The following DNAH9 variants were observed in gnomAD, a reference collection of about 807,000 sequenced individuals.
DNAH9 encodes the protein DNAH9 variant protein.
In DNAH9, 345 loss-of-function variants were observed where a neutral mutation model predicts 471.6. The observed-to-expected ratio is 0.73, with a 90% CI of 0.67 to 0.80. The LOEUF (loss-of-function observed/expected upper bound fraction) is 0.80. Among genes scored for constraint, DNAH9 ranks in the 30% least tolerant of loss-of-function variants. DNAH9 has a pLI of 0.00. For missense variants in DNAH9, 5,407 were observed against 5,609.2 expected (o/e 0.96, Z 1.15); for synonymous variants, 2,093 against 2,123.6 (o/e 0.99, Z 0.40).
In DNAH9 at chr17:11,707,959, CCACACACACACACACACACACACACA is replaced by C. The variant is rs756020074; in HGVS notation, c.5552+2805_5552+2830del. On this transcript the variant is annotated intron_variant, in intron 26 of 68. Coordinates refer to ENST00000262442, the MANE Select transcript of DNAH9 (RefSeq NM_001372.4). ...TGTTTCTAAAAGGCAGCCTCTCCCA[CCACACACACACACACACACACACACA>C]CACACACACACACACACACACACAC... is the stretch of plus-strand genomic sequence containing the variant. 4.5e-3 allele frequency among the ~76,000 whole-genome samples: 481 copies of C among 106,552 alleles called. 1 individual carries two copies. Among genetic ancestry groups the C allele is most frequent in the Middle Eastern group, 9.8e-3 (2 of 204 alleles). The allele number at this position is 106,552 out of a possible 152,430, so 69.9% of individuals were successfully genotyped here.
At chr17:11,898,685 A>C (rs1973301469) in intron 59 of DNAH9, among the ~76,000 whole-genome samples, 1 of 152,182 alleles carries the variant, frequency 6.6e-6, no homozygotes, top group Admixed American at 6.5e-5. Flanking sequence ...AGAAGGAAAA[A>C]CTTTCAGGAA....
At chr17:11,880,575 G>C (rs111692997) in intron 54 of DNAH9, among the ~76,000 whole-genome samples, 7 of 152,284 alleles carry the variant, frequency 4.6e-5, no homozygotes, top group Non-Finnish European at 8.8e-5. Context: ...TCAATTTAAT[G>C]AGTCTCTGCT....
chr17:11,832,497 A>T (rs938802020), intron 48 of DNAH9, among the ~76,000 whole-genome samples: 6 of 152,258 alleles, frequency 3.9e-5, no homozygotes, highest in Admixed American at 6.5e-5. Flanking sequence ...GCAGCTGAAC[A>T]ACAGGAGATG....
chr17:11,625,776 G>T (rs1020002324), intron 6 of DNAH9, among the ~76,000 whole-genome samples: 2 of 152,112 alleles, frequency 1.3e-5, no homozygotes, highest in Admixed American at 6.5e-5. Context: ...TCCAGTAAGC[G>T]GCCTGGTACC....
At chr17:11,759,265 C>G (rs747643403) in intron 35 of DNAH9, among the ~76,000 whole-genome samples, 3 of 152,002 alleles carry the variant, frequency 2.0e-5, no homozygotes, top group Admixed American at 1.3e-4. Flanking sequence ...TTTCAACCCT[C>G]AACCCCCTGC....
chr17:11,618,013 G>A (rs1042841817), intron 5 of DNAH9, among the ~76,000 whole-genome samples: 3 of 152,202 alleles, frequency 2.0e-5, no homozygotes, highest in African/African-American at 7.2e-5. Flanking sequence ...CCACTTGGCA[G>A]CCAGCATACC....
At chr17:11,731,728 CTCA>C (rs781386182) in intron 28 of DNAH9, among the ~76,000 whole-genome samples, 1 of 152,022 alleles carries the variant, frequency 6.6e-6, no homozygotes, top group Non-Finnish European at 1.5e-5. Context: ...AGGACATGAA[CTCA>C]TCATTTTTTA....
rs377184090 is a variant in DNAH9 at position 11,889,741 on chromosome 17, C to G, written c.11113-2036C>G. Reference sequence around the variant, plus strand: ...AAGAAAGTGAGTAAGGCCTGGGCCCCACTATATGTGCTCATAACCTGGTAA... The same window carrying G: ...AAGAAAGTGAGTAAGGCCTGGGCCCGACTATATGTGCTCATAACCTGGTAA... On this transcript the variant is annotated intron_variant, in intron 57 of 68. Coordinates refer to ENST00000262442, the MANE Select transcript of DNAH9 (RefSeq NM_001372.4). Among the ~76,000 whole-genome samples the G allele has an allele frequency of 1.0e-3, 154 of 152,270 alleles. 1 individual carries two copies. The highest frequency in any genetic ancestry group is 3.4e-3 in the African/African-American group (143 of 41,542).
chr17:11,744,138 C>T lies in DNAH9; in HGVS notation c.6112-659C>T, dbSNP rs16945275. ...TCACCGCACCTGGCCTCCTTGGTAG[C>T]ATTTGTCATGGCTCTAATTAAGTAG... On this transcript the variant is annotated intron_variant, in intron 30 of 68. Coordinates refer to ENST00000262442, the MANE Select transcript of DNAH9 (RefSeq NM_001372.4). Among the ~76,000 whole-genome samples, 1,217 of 152,190 alleles carry T rather than the reference C, an allele frequency of 8.0e-3. 30 individuals are homozygous for T. The highest frequency in any genetic ancestry group is 0.056 in the East Asian group (289 of 5,150).
At chr17:11,942,896 C>CTTTT (rs71142257) in intron 67 of DNAH9, among the ~76,000 whole-genome samples, 2 of 127,912 alleles carry the variant, frequency 1.6e-5, no homozygotes, top group African/African-American at 3.0e-5. Flanking sequence ...CTTGTTTTTT[C>CTTTT]TTTTTTTTTT....
rs758869630 is a variant in DNAH9 at position 11,719,322 on chromosome 17, C to T, written c.5553-12C>T. 11 of 1,612,964 alleles carry T rather than the reference C, an allele frequency of 6.8e-6. No individual in the cohort carries two copies. Among genetic ancestry groups the T allele is most frequent in the South Asian group, 3.3e-5 (3 of 90,978 alleles). ...CCAAGAATGATGACCTATGCCCTCCCGTGTTTGGCAGGTGCTACATCACCC... is the reference window on the plus strand; with the variant it reads ...CCAAGAATGATGACCTATGCCCTCCTGTGTTTGGCAGGTGCTACATCACCC... On this transcript the variant is annotated splice_polypyrimidine_tract_variant and intron_variant, in intron 26 of 68. Transcript: ENST00000262442.
In DNAH9 at chr17:11,629,529, A is replaced by T; in HGVS notation, c.1463A>T (p.Glu488Val). 1.2e-6 allele frequency: 2 copies of T among 1,614,144 alleles called. No individual in the cohort carries two copies. The highest frequency in any genetic ancestry group is 1.7e-6 in the Non-Finnish European group (2 of 1,180,028). Residue 488 changes from glutamate to valine, a missense_variant, in exon 7 of 69, where the codon GAG becomes GTG. By Grantham distance (121) the Glu-to-Val change is moderately radical (BLOSUM62 -2). Coordinates refer to ENST00000262442, the MANE Select transcript of DNAH9 (RefSeq NM_001372.4). ...CAGCAAATGCATGAAGAATTTCAAG[A>T]GATGTACAGGCTTCTCTCAGGATCC... ...QVQQMHEEFQ[E>V]MYRLLSGSSS...
chr17:11,703,426 CAA>C (rs778449019), intron 24 of DNAH9, among the ~76,000 whole-genome samples: 1 of 152,118 alleles, frequency 6.6e-6, no homozygotes, highest in Non-Finnish European at 1.5e-5. Context: ...AATTTTGAGA[CAA>C]GAGAATGTGT....
intron 45 of DNAH9, 144 bp from the exon 46 acceptor site, chr17:11,821,776 G>A: frequency 3.6e-6 from 3 of 834,716 alleles, no homozygotes; most frequent in Non-Finnish European, 3.7e-6. Flanking sequence ...TAGACATGGT[G>A]TCTGTCCAGC....
At chr17:11,632,459 G>A (rs2073088487) in intron 7 of DNAH9, 128 bp from the exon 8 acceptor site, 1 of 618,874 alleles carries the variant, frequency 1.6e-6, no homozygotes, top group African/African-American at 1.8e-5. Flanking sequence ...ATGCCATGGT[G>A]AATTTCAGAA....
intron 36 of DNAH9, 88 bp downstream of exon 36, chr17:11,763,702 G>A (rs936586101): frequency 7.8e-7 from 1 of 1,286,188 alleles, no homozygotes; most frequent in African/African-American, 1.5e-5. Context: ...AGACAGGACA[G>A]CTAAATGTCA....
intron 63 of DNAH9, 60 bp downstream of exon 63, chr17:11,930,153 T>C (rs1182935886): frequency 1.4e-5 from 20 of 1,422,444 alleles, no homozygotes; most frequent in Admixed American, 7.3e-5. Flanking sequence ...TGATGCAAAC[T>C]GGTGGGGGGA....
At chr17:11,658,206 G>A (rs1179692482) in intron 14 of DNAH9, among the ~76,000 whole-genome samples, 1 of 152,032 alleles carries the variant, frequency 6.6e-6, no homozygotes, top group Non-Finnish European at 1.5e-5. Context: ...GCAATGCTTT[G>A]TAGTTTTAGT....
intron 49 of DNAH9, among the ~76,000 whole-genome samples, chr17:11,848,564 A>G (rs1046087746): frequency 6.6e-6 from 1 of 151,850 alleles, no homozygotes; most frequent in Admixed American, 6.6e-5. Flanking sequence ...AATAATTGTT[A>G]AATAATTTAA....
Sources: allele counts gnomAD v4.1 joint callset (sites outside exome capture counted in the v4.1 genomes callset), GRCh38; gene constraint gnomAD v4.1.1; transcripts MANE v1.5; gene names NCBI Gene and HGNC (gene_info 2026-07-23, HGNC 2026-07-21).